BTBD10: variants seen among roughly 807,000 people sequenced by gnomAD.
BTBD10 encodes BTB domain containing 10.
Under a neutral mutation model 53.2 loss-of-function variants are expected in BTBD10, and 21 were observed. The observed-to-expected ratio is 0.39, with a 90% CI of 0.28 to 0.57. The LOEUF (loss-of-function observed/expected upper bound fraction) is 0.57. Ranked by LOEUF, BTBD10 falls within the 20% of genes least tolerant of loss-of-function variation. The pLI is 0.53. For missense variants in BTBD10, 360 were observed against 594.7 expected, an observed-to-expected ratio of 0.61 and a Z score of 4.10; for synonymous variants, 149 against 192.7, an observed-to-expected ratio of 0.77 and a Z score of 1.88.
chr11:13,391,412 T>C (rs532226162), intron 8 of BTBD10, among the ~76,000 whole-genome samples: 9 of 152,328 alleles, frequency 5.9e-5, no homozygotes, highest in Middle Eastern at 3.4e-3. Flanking sequence ...AGCACTCCCA[T>C]ATGTTAACAA....
chr11:13,421,525 A>C, intron 3 of BTBD10, 117 bp downstream of exon 3: 1 of 849,804 alleles, frequency 1.2e-6, no homozygotes. Flanking sequence ...GAAACAACTG[A>C]ATAGAAGCAG....
chr11:13,427,592 T>C (rs952443648), intron 2 of BTBD10, among the ~76,000 whole-genome samples: 1 of 152,136 alleles, frequency 6.6e-6, no homozygotes, highest in South Asian at 2.1e-4. Flanking sequence ...TCAGTAGGGA[T>C]TGATGAGATT....
At chr11:13,428,539 A>G (rs930105118) in intron 2 of BTBD10, among the ~76,000 whole-genome samples, 25 of 152,146 alleles carry the variant, frequency 1.6e-4, no homozygotes, top group Admixed American at 5.2e-4. Flanking sequence ...TAAAGAAATC[A>G]AAAAGGAAAT....
At chr11:13,406,616 A>AGTGTGT (rs71041525) in intron 6 of BTBD10, among the ~76,000 whole-genome samples, 1 of 148,118 alleles carries the variant, frequency 6.8e-6, no homozygotes, top group African/African-American at 2.5e-5. Flanking sequence ...AGAGAGAGAC[A>AGTGTGT]GTGTGTGTGT....
intron 2 of BTBD10, among the ~76,000 whole-genome samples, chr11:13,438,391 T>C (rs530723657): frequency 2.8e-4 from 43 of 152,062 alleles, no homozygotes; most frequent in Non-Finnish European, 5.7e-4. Context: ...CCTTAAGACA[T>C]TCTTTCTTTT....
chr11:13,408,929 AGC>A (rs1949883366), intron 6 of BTBD10, among the ~76,000 whole-genome samples: 4 of 152,352 alleles, frequency 2.6e-5, no homozygotes, highest in African/African-American at 9.6e-5. Context: ...TCAGGATTAT[AGC>A]ACTGAACAAC....
At chr11:13,452,935 G>A (rs1280112206) in intron 1 of BTBD10, among the ~76,000 whole-genome samples, 2 of 152,014 alleles carry the variant, frequency 1.3e-5, no homozygotes, top group African/African-American at 2.4e-5. Context: ...GTTCATTCAT[G>A]ACTAAAAGTT....
intron 6 of BTBD10, among the ~76,000 whole-genome samples, chr11:13,411,254 G>C (rs1949937394): frequency 6.6e-6 from 1 of 152,150 alleles, no homozygotes. Context: ...AACTGAAAAA[G>C]AGTGCCTCAA....
At chr11:13,405,982 G>C in intron 6 of BTBD10, 126 bp from the exon 7 acceptor site, 1 of 805,674 alleles carries the variant, frequency 1.2e-6, no homozygotes, top group Non-Finnish European at 1.9e-6. Flanking sequence ...TACACATCAT[G>C]AAATAACTTG....
In BTBD10 at chr11:13,461,829, T is replaced by C. The variant is rs576629891; in HGVS notation, c.-58+1263A>G. Among the ~76,000 whole-genome samples the C allele has an allele frequency of 5.3e-5, 8 of 152,326 alleles. No individual in the cohort carries two copies. The South Asian group carries it at 1.7e-3, about 32-fold the overall frequency. Reference sequence around the variant, plus strand: ...CATGCTTCAGAAACTTCCTTCCTACTTTGTATGTATTAATATAATAGCTGT... The same window carrying C: ...CATGCTTCAGAAACTTCCTTCCTACCTTGTATGTATTAATATAATAGCTGT... On this transcript the variant is annotated intron_variant, in intron 1 of 8. Coordinates refer to ENST00000278174, the MANE Select transcript of BTBD10 (RefSeq NM_032320.7).
chr11:13,388,652 T>G lies in BTBD10; in HGVS notation c.*179A>C. Reference sequence around the variant, plus strand: ...CTGGAACTTCAAAATGCTAGAGTTGTACTCATTTAAAAAAAAACCATTCAG... The same window carrying G: ...CTGGAACTTCAAAATGCTAGAGTTGGACTCATTTAAAAAAAAACCATTCAG... On this transcript the variant is annotated 3_prime_UTR_variant, in exon 9 of 9. Coordinates refer to ENST00000278174, the MANE Select transcript of BTBD10 (RefSeq NM_032320.7). The G allele has an allele frequency of 1.7e-6, 1 of 605,898 alleles. No individual in the cohort carries two copies. 37.5% of individuals were successfully genotyped at this position (605,898 alleles called of 1,614,324 possible).
intron 8 of BTBD10, among the ~76,000 whole-genome samples, chr11:13,393,974 T>TG (rs1284955941): frequency 1.3e-5 from 2 of 152,194 alleles, no homozygotes; most frequent in East Asian, 3.8e-4. Context: ...AGAGGAAAGC[T>TG]GTTTTACAAA....
chr11:13,421,148 G>A (rs1208184380), intron 3 of BTBD10, among the ~76,000 whole-genome samples: 1 of 152,138 alleles, frequency 6.6e-6, no homozygotes, highest in African/African-American at 2.4e-5. Context: ...TTATAATACT[G>A]AGTAGGAAGG....
chr11:13,395,601 G>A (rs1380490562), intron 8 of BTBD10, among the ~76,000 whole-genome samples: 3 of 152,322 alleles, frequency 2.0e-5, no homozygotes, highest in African/African-American at 4.8e-5. Context: ...TTTTAGACAT[G>A]AAGTCCTTGC....
rs538017957 is a variant in BTBD10, at chr11:13,398,645, G to C, written c.1117+4523C>G. On this transcript the variant is annotated intron_variant, in intron 8 of 8. Transcript: ENST00000278174. ...GCAGTTTCTTCCTAGCCTTGATGGTGTTTACAATTTGGCATGTTTTTGCAG... is the reference window on the plus strand; with the variant it reads ...GCAGTTTCTTCCTAGCCTTGATGGTCTTTACAATTTGGCATGTTTTTGCAG... Among the ~76,000 whole-genome samples the C allele has an allele frequency of 6.3e-3, 955 of 152,196 alleles. 14 individuals carry two copies. Among genetic ancestry groups the C allele is most frequent in the African/African-American group, 0.022 (897 of 41,522 alleles).
chr11:13,426,519 AATAATATAATATGGGG>A (rs1257998464), intron 2 of BTBD10, among the ~76,000 whole-genome samples: 3 of 152,156 alleles, frequency 2.0e-5, no homozygotes, highest in Non-Finnish European at 4.4e-5. Flanking sequence ...CAATAATGAT[AATAATATAATATGGGG>A]TTTATAACAT....
intron 1 of BTBD10, among the ~76,000 whole-genome samples, chr11:13,453,482 T>C (rs1416238392): frequency 1.3e-5 from 2 of 152,194 alleles, no homozygotes; most frequent in Admixed American, 6.5e-5. Flanking sequence ...ATTTTCAAAA[T>C]GATAATATTG....
chr11:13,452,633 T>C (rs955225887), intron 1 of BTBD10, among the ~76,000 whole-genome samples: 2 of 152,148 alleles, frequency 1.3e-5, no homozygotes, highest in South Asian at 2.1e-4. Context: ...ACATAAACTT[T>C]TGATAAGGAA....
chr11:13,414,788 C>T (rs1046627054), intron 5 of BTBD10, among the ~76,000 whole-genome samples: 16 of 140,328 alleles, frequency 1.1e-4, no homozygotes, highest in African/African-American at 3.7e-4. Context: ...TGCAGTGAGC[C>T]GAGATCACAC....
Sources: allele counts gnomAD v4.1 joint callset (sites outside exome capture counted in the v4.1 genomes callset), GRCh38; gene constraint gnomAD v4.1.1; transcripts MANE v1.5; gene names NCBI Gene and HGNC (gene_info 2026-07-23, HGNC 2026-07-21).